Variants in CRTAM observed in about 807,000 individuals in gnomAD.
CRTAM encodes the protein cytotoxic and regulatory T-cell molecule.
In CRTAM, 44 loss-of-function variants were observed where a neutral mutation model predicts 50.0. The ratio of observed to expected loss-of-function variants is 0.88; its 90% CI spans 0.69 to 1.13. The LOEUF (loss-of-function observed/expected upper bound fraction) is 1.13, where lower values mean the gene tolerates loss of function less well. Ranked by LOEUF, CRTAM falls within the 50% of genes most tolerant of loss-of-function variation. The pLI is 0.00. For missense variants in CRTAM, 448 were observed against 457.5 expected, an observed-to-expected ratio of 0.98 and a Z score of 0.19; for synonymous variants, 159 against 169.3, an observed-to-expected ratio of 0.94 and a Z score of 0.47.
rs1862194209 is a variant in CRTAM at position 122,867,506 on chromosome 11, C to T, written c.915C>T (p.Val305=). Residue 305 remains valine (V), a synonymous_variant, in exon 8 of 10, where the codon GTC becomes GTT. Transcript: ENST00000227348. ...SFLIFILFII[V]QLFIMKLRKA... ...TCATTTTCATACTCTTCATCATAGT[C>T]CAGCTCTTCATCATGAAGCTGAGGA... 1.2e-6 allele frequency: 2 copies of T among 1,614,048 alleles called. No individual in the cohort carries two copies. The highest frequency in any genetic ancestry group is 1.7e-5 in the Admixed American group (1 of 60,018).
intron 1 of CRTAM, among the ~76,000 whole-genome samples, chr11:122,847,198 C>T (rs774037874): frequency 1.3e-5 from 2 of 152,232 alleles, no homozygotes; most frequent in East Asian, 3.9e-4. Context: ...TGCCTAAGTT[C>T]GTGCTGTTAG....
chr11:122,840,381 A>G (rs1781971424), intron 1 of CRTAM, among the ~76,000 whole-genome samples: 1 of 152,164 alleles, frequency 6.6e-6, no homozygotes, highest in African/African-American at 2.4e-5. Context: ...CCTATAAAGC[A>G]CATAGTAAAA....
At chr11:122,841,393 A>G (rs1049835032) in intron 1 of CRTAM, among the ~76,000 whole-genome samples, 2 of 139,958 alleles carry the variant, frequency 1.4e-5, no homozygotes, top group Non-Finnish European at 3.0e-5. Flanking sequence ...CTAAATATAT[A>G]CTTTTACTCT....
chr11:122,845,424 G>A (rs565240853), intron 1 of CRTAM, among the ~76,000 whole-genome samples: 57 of 152,024 alleles, frequency 3.7e-4, no homozygotes, highest in African/African-American at 1.3e-3. Flanking sequence ...GAAAGAGAGG[G>A]AAGGCAGGGC....
chr11:122,857,977 C>T (rs535055706), intron 5 of CRTAM, among the ~76,000 whole-genome samples: 13 of 152,240 alleles, frequency 8.5e-5, no homozygotes, highest in African/African-American at 3.1e-4. Context: ...GTGGTGTGAT[C>T]GCGGCTCACT....
rs1343408974 is a variant in CRTAM, at chr11:122,864,719, G to A, written c.817G>A (p.Glu273Lys). The A allele has an allele frequency of 7.5e-6, 12 of 1,606,846 alleles. No individual in the cohort carries two copies. The highest frequency in any genetic ancestry group is 2.7e-5 in the African/African-American group (2 of 74,764). ...QTTQDPDLTT[E>K]ANPQYLGLAR... ...CACTCAAGATCCTGACTTGACCACC[G>A]GTAAGTGTCACCCACTGCATTTAGA... Residue 273 changes from glutamate (E) to lysine (K), a missense_variant and splice_region_variant, in exon 7 of 10, where the codon GAA becomes AAA. Transcript: ENST00000227348.
chr11:122,858,987 T>A (rs1054912168), intron 5 of CRTAM, among the ~76,000 whole-genome samples: 4 of 152,200 alleles, frequency 2.6e-5, no homozygotes, highest in African/African-American at 9.7e-5. Context: ...AACTTTTACT[T>A]ATATAGGTGA....
At chr11:122,846,348 G>T (rs536760762) in intron 1 of CRTAM, among the ~76,000 whole-genome samples, 2 of 151,966 alleles carry the variant, frequency 1.3e-5, no homozygotes, top group Non-Finnish European at 2.9e-5. Flanking sequence ...TTGCTCTATT[G>T]CCCAGGCTGG....
intron 3 of CRTAM, among the ~76,000 whole-genome samples, chr11:122,853,116 T>C (rs1335791610): frequency 6.7e-6 from 1 of 150,262 alleles, no homozygotes; most frequent in East Asian, 2.0e-4. Flanking sequence ...CGGGCTGGAG[T>C]GCAGTGGCGC....
chr11:122,838,981 T>C (rs1434849284), intron 1 of CRTAM, among the ~76,000 whole-genome samples: 1 of 152,182 alleles, frequency 6.6e-6, no homozygotes, highest in Admixed American at 6.5e-5. Flanking sequence ...CAGGCTGGAG[T>C]GCAGCGGCAC....
chr11:122,848,872 A>C (rs907062305), intron 1 of CRTAM, among the ~76,000 whole-genome samples: 12 of 152,232 alleles, frequency 7.9e-5, no homozygotes, highest in African/African-American at 2.7e-4. Flanking sequence ...AATTTAATTT[A>C]TAATATGAAG....
At chr11:122,858,968 A>G (rs1219484696) in intron 5 of CRTAM, among the ~76,000 whole-genome samples, 2 of 151,970 alleles carry the variant, frequency 1.3e-5, no homozygotes, top group Non-Finnish European at 2.9e-5. Context: ...ATAATCGAGA[A>G]CCCCAAAGAA....
intron 8 of CRTAM, among the ~76,000 whole-genome samples, chr11:122,867,775 C>T (rs915603245): frequency 6.6e-6 from 1 of 152,088 alleles, no homozygotes; most frequent in African/African-American, 2.4e-5. Flanking sequence ...AGCATAGATC[C>T]AGAAATTGGC....
intron 1 of CRTAM, among the ~76,000 whole-genome samples, chr11:122,848,704 C>T (rs1051634687): frequency 2.0e-5 from 3 of 152,140 alleles, no homozygotes; most frequent in Non-Finnish European, 4.4e-5. Flanking sequence ...AAAATATATT[C>T]TCCTGGTTTC....
At chr11:122,863,257 G>GA (rs1469648936) in intron 6 of CRTAM, among the ~76,000 whole-genome samples, 1 of 69,930 alleles carries the variant, frequency 1.4e-5, no homozygotes, top group Non-Finnish European at 2.8e-5. Flanking sequence ...AAGAGAGAAA[G>GA]AAAAGAAAGA....
intron 9 of CRTAM, 135 bp downstream of exon 9, chr11:122,868,234 G>A (rs1862207226): frequency 1.8e-5 from 10 of 543,216 alleles, no homozygotes; most frequent in East Asian, 3.5e-5. Flanking sequence ...GTGTGTGTGT[G>A]TGTATGAGGT....
chr11:122,858,095 T>C (rs1009283895), intron 5 of CRTAM, among the ~76,000 whole-genome samples: 76 of 152,128 alleles, frequency 5.0e-4, no homozygotes, highest in African/African-American at 1.8e-3. Flanking sequence ...AAATTTTTGC[T>C]GAGACGGGGT....
chr11:122,872,025 C>G lies in CRTAM; in HGVS notation c.*626C>G, dbSNP rs1042633628. 1 of 152,134 alleles carries G rather than the reference C, an allele frequency of 6.6e-6. No homozygotes were observed. The highest frequency in any genetic ancestry group is 1.5e-5 in the Non-Finnish European group (1 of 68,088). The allele number at this position is 152,134 out of a possible 1,614,324, so 9.4% of individuals were successfully genotyped here. A position where few individuals can be genotyped will look rare whatever the true frequency, so the allele number is the denominator to read the frequency against. ...TGGTGCGCACCTGTAGTCTCAGATACTTGGGAGGCTGAGGGTGGAGAATCG... is the reference window on the plus strand; with the variant it reads ...TGGTGCGCACCTGTAGTCTCAGATAGTTGGGAGGCTGAGGGTGGAGAATCG... On this transcript the variant is annotated 3_prime_UTR_variant, in exon 10 of 10. Coordinates refer to ENST00000227348, the MANE Select transcript of CRTAM (RefSeq NM_019604.4).
intron 6 of CRTAM, among the ~76,000 whole-genome samples, chr11:122,863,347 AAGAAAAAG>A (rs199805149): frequency 0.38 from 44,388 of 117,370 alleles, 8,187 homozygotes; most frequent in Non-Finnish European, 0.52. Context: ...GAAAGAAAGA[AAGAAAAAG>A]AAAGAAAGAA....
Sources: allele counts gnomAD v4.1 joint callset (sites outside exome capture counted in the v4.1 genomes callset), GRCh38; gene constraint gnomAD v4.1.1; transcripts MANE v1.5; gene names NCBI Gene and HGNC (gene_info 2026-07-23, HGNC 2026-07-21).